SLC9D1: variants seen among roughly 807,000 people sequenced by gnomAD.
The protein encoded by SLC9D1 is solute carrier family 9 member D1, also known as putative LAG1-interacting protein.
chr13:113,503,835 A>G, the SLC9D1 span: 7 of 481,434 alleles, frequency 1.5e-5, no homozygotes, highest in Admixed American at 7.5e-5. Context: ...AGGGTCTGGA[A>G]AGTAATGTGT....
At chr13:113,549,355 C>G in the SLC9D1 span, 1 of 1,551,434 alleles carries the variant, frequency 6.4e-7, no homozygotes, top group African/African-American at 1.4e-5. Flanking sequence ...TGAGACCAGC[C>G]CTGTGCTTTC....
At chr13:113,521,551 G>T in the SLC9D1 span, among the ~76,000 whole-genome samples, 1 of 152,070 alleles carries the variant, frequency 6.6e-6, no homozygotes, top group Non-Finnish European at 1.5e-5. Context: ...ATGCGTGTGT[G>T]GTGTGTATGC....
At chr13:113,502,579 T>C in the SLC9D1 span, among the ~76,000 whole-genome samples, 1 of 152,122 alleles carries the variant, frequency 6.6e-6, no homozygotes, top group Admixed American at 6.5e-5. Context: ...GTCGAGGCAG[T>C]GGGCAGTGGG....
chr13:113,513,202 C>T, the SLC9D1 span, among the ~76,000 whole-genome samples: 2 of 152,150 alleles, frequency 1.3e-5, no homozygotes, highest in African/African-American at 2.4e-5. Flanking sequence ...TGGGAGATAG[C>T]GGATAGGTAA....
the SLC9D1 span, among the ~76,000 whole-genome samples, chr13:113,532,018 T>C: frequency 6.6e-6 from 1 of 152,148 alleles, no homozygotes; most frequent in East Asian, 1.9e-4. Context: ...GATCACCTGG[T>C]CTCTGCCCCT....
the SLC9D1 span, among the ~76,000 whole-genome samples, chr13:113,518,529 T>C: frequency 1.3e-5 from 2 of 152,182 alleles, no homozygotes; most frequent in Non-Finnish European, 2.9e-5. Context: ...GTGAGAGATT[T>C]TGTTTCTTTT....
At chr13:113,511,117 G>A in the SLC9D1 span, among the ~76,000 whole-genome samples, 5 of 151,396 alleles carry the variant, frequency 3.3e-5, no homozygotes, top group African/African-American at 1.2e-4. Context: ...CGACTCACTC[G>A]GAAACCTAGG....
chr13:113,537,169 AT>A, the SLC9D1 span, among the ~76,000 whole-genome samples: 1 of 152,308 alleles, frequency 6.6e-6, no homozygotes, highest in East Asian at 1.9e-4. Flanking sequence ...ATGCCGGCAG[AT>A]TTTTTTGTCC....
chr13:113,546,828 G>A, the SLC9D1 span, among the ~76,000 whole-genome samples: 7 of 152,232 alleles, frequency 4.6e-5, no homozygotes, highest in Non-Finnish European at 8.8e-5. The surrounding 1 kb of genome is among the most constrained non-coding windows in gnomAD (Gnocchi z 7.1). Flanking sequence ...GAAGAAATAT[G>A]TGGAGACAAC....
At chr13:113,542,683 G>A in the SLC9D1 span, among the ~76,000 whole-genome samples, 8 of 152,172 alleles carry the variant, frequency 5.3e-5, no homozygotes, top group Non-Finnish European at 8.8e-5. Flanking sequence ...TTGAGAGGGT[G>A]GAATCACAAG....
chr13:113,495,919 C>G, the SLC9D1 span: 13 of 1,613,932 alleles, frequency 8.1e-6, no homozygotes, highest in Non-Finnish European at 1.1e-5. Flanking sequence ...GTTTTCCAAG[C>G]TGTCTACGGA....
chr13:113,534,138 G>GT, the SLC9D1 span: 1 of 1,606,070 alleles, frequency 6.2e-7, no homozygotes, highest in Admixed American at 1.7e-5. Flanking sequence ...TTATAAAGAA[G>GT]TATCTCATTG....
At chr13:113,536,165 G>A in the SLC9D1 span, among the ~76,000 whole-genome samples, 2 of 152,104 alleles carry the variant, frequency 1.3e-5, no homozygotes, top group Admixed American at 6.5e-5. Flanking sequence ...ATCTTCTGAG[G>A]TCAGGAGTTC....
At chr13:113,493,567 T>C in the SLC9D1 span, among the ~76,000 whole-genome samples, 1 of 145,232 alleles carries the variant, frequency 6.9e-6, no homozygotes, top group Non-Finnish European at 1.6e-5. Context: ...CTTAAAGTTG[T>C]ACACGTGTAC....
At chr13:113,520,730 C>T in the SLC9D1 span, 1 of 1,604,898 alleles carries the variant, frequency 6.2e-7, no homozygotes, top group Non-Finnish European at 8.5e-7. Flanking sequence ...AGTGCATCTT[C>T]TAGGTAAACG....
the SLC9D1 span, among the ~76,000 whole-genome samples, chr13:113,532,191 G>C: frequency 6.6e-6 from 1 of 152,230 alleles, no homozygotes. Context: ...GTGTTTTGGA[G>C]AGGCAATGAA....
At chr13:113,525,402 T>C in the SLC9D1 span, among the ~76,000 whole-genome samples, 1 of 152,250 alleles carries the variant, frequency 6.6e-6, no homozygotes, top group African/African-American at 2.4e-5. Context: ...TGGTACGGAA[T>C]ACTTGATAAC....
At chr13:113,548,851 G>A in the SLC9D1 span, among the ~76,000 whole-genome samples, 2 of 152,190 alleles carry the variant, frequency 1.3e-5, no homozygotes, top group South Asian at 2.1e-4. Context: ...CTGGGCATTC[G>A]GACTCACGGC....
the SLC9D1 span, chr13:113,505,482 C>A: frequency 6.6e-6 from 1 of 152,026 alleles, no homozygotes; most frequent in African/African-American, 2.4e-5. Flanking sequence ...GCGTGACTAC[C>A]ATGGAGTGTT....
Sources: gnomAD v4.1 joint callset for allele counts (sites outside exome capture counted in the v4.1 genomes callset) on GRCh38, gnomAD v4.1.1 for gene constraint, Gnocchi (gnomAD v3.1) non-coding constraint, MANE v1.5 for transcripts, NCBI Gene and HGNC (gene_info 2026-07-23, HGNC 2026-07-21) for gene names.